SLC30A8: variants seen among roughly 807,000 people sequenced by gnomAD.
SLC30A8 encodes the protein proton-coupled zinc antiporter SLC30A8.
A neutral mutation model predicts 36.9 loss-of-function variants in SLC30A8; 27 were observed. The observed-to-expected ratio is 0.73, with a 90% confidence interval of 0.54 to 1.01. The LOEUF (loss-of-function observed/expected upper bound fraction) is 1.01, where lower values mean the gene tolerates loss of function less well. Among genes scored for constraint, SLC30A8 ranks in the 50% least tolerant of loss-of-function variants. The pLI is 0.00. For missense variants in SLC30A8, 439 were observed against 452.0 expected (o/e 0.97, Z 0.26); for synonymous variants, 164 against 172.4 (o/e 0.95, Z 0.38).
Position 117,051,363 on chromosome 8 carries a change from T to C in SLC30A8, c.-226+12105T>C, listed in dbSNP as rs375060806. Among the ~76,000 whole-genome samples the C allele has an allele frequency of 3.9e-5, 6 of 152,324 alleles. No homozygotes were observed. The East Asian group carries it at 1.2e-3, about 29-fold the overall frequency. Reference sequence around the variant, plus strand: ...TGTGAGACAGGATGTGTGTCCCCTCTAAAACTCATGTTGAAATATGATTCC... The same window carrying C: ...TGTGAGACAGGATGTGTGTCCCCTCCAAAACTCATGTTGAAATATGATTCC... On this transcript the variant is annotated intron_variant, in intron 2 of 10. Transcript: ENST00000427715.
At position 117,001,204 on chromosome 8, in the gene SLC30A8, CTTT is replaced by C. The variant is rs34639384; in HGVS notation, c.-265-37995_-265-37993del. Among the ~76,000 whole-genome samples the C allele has an allele frequency of 2.3e-3, 181 of 78,312 alleles. 1 individual carries two copies. Among genetic ancestry groups the C allele is most frequent in the South Asian group, 0.02 (34 of 1,676 alleles). 51.4% of individuals were successfully genotyped at this position (78,312 alleles called of 152,430 possible). On this transcript the variant is annotated intron_variant, in intron 1 of 10. Transcript: ENST00000427715. The stretch of plus-strand genomic sequence containing the variant: ...CGTAGGAGAAAATATTTGCTAGGGG[CTTT>C]TTTTTTTTTTTTTTTTTTTGGAATT...
At chr8:117,078,003 G>GT (rs1818543951) in intron 2 of SLC30A8, among the ~76,000 whole-genome samples, 1 of 152,176 alleles carries the variant, frequency 6.6e-6, no homozygotes, top group Admixed American at 6.5e-5. Flanking sequence ...AAAAAGTGAT[G>GT]AAGATTTAAG....
In SLC30A8 at chr8:117,165,454, T is replaced by C. The variant is rs558056635; in HGVS notation, c.829+1924T>C. Among the ~76,000 whole-genome samples the C allele has an allele frequency of 5.9e-5, 9 of 152,306 alleles. No homozygotes were observed. In the South Asian group the frequency reaches 1.9e-3, roughly 32 times the overall value. On this transcript the variant is annotated intron_variant, in intron 6 of 7. Transcript: ENST00000456015. ...GGCCATAGAACCAGTCAATCATAGATGCTGATGGCCTCAGAAAGGCCAGAT... is the reference window on the plus strand; with the variant it reads ...GGCCATAGAACCAGTCAATCATAGACGCTGATGGCCTCAGAAAGGCCAGAT...
At chr8:117,088,348 A>G (rs565143031) in intron 2 of SLC30A8, among the ~76,000 whole-genome samples, 15 of 152,346 alleles carry the variant, frequency 9.8e-5, no homozygotes, top group African/African-American at 3.6e-4. Context: ...AACATTCAGT[A>G]CAATGCAGAT....
intron 1 of SLC30A8, among the ~76,000 whole-genome samples, chr8:116,967,858 T>C (rs143922437): frequency 4.0e-3 from 603 of 152,328 alleles, no homozygotes; most frequent in Non-Finnish European, 6.4e-3. Flanking sequence ...AGCTGTAATG[T>C]CACAAACTCT....
intron 2 of SLC30A8, among the ~76,000 whole-genome samples, chr8:117,061,959 T>C (rs2130786481): frequency 6.6e-6 from 1 of 152,312 alleles, no homozygotes; most frequent in South Asian, 2.1e-4. Context: ...TGGCAGGGTG[T>C]TATGTTATTG....
At chr8:117,060,655 T>C (rs1435836843) in intron 2 of SLC30A8, among the ~76,000 whole-genome samples, 2 of 152,214 alleles carry the variant, frequency 1.3e-5, no homozygotes, top group African/African-American at 4.8e-5. Context: ...CCAGAGACAA[T>C]TTGGCTTTTC....
intron 1 of SLC30A8, among the ~76,000 whole-genome samples, chr8:117,023,734 G>T (rs567666316): frequency 3.7e-5 from 5 of 134,224 alleles, no homozygotes; most frequent in African/African-American, 5.4e-5. Flanking sequence ...GGTGGGGGAG[G>T]GGGGAGGGAT....
chr8:117,034,803 G>A (rs1434084020), intron 1 of SLC30A8, among the ~76,000 whole-genome samples: 3 of 152,190 alleles, frequency 2.0e-5, no homozygotes, highest in African/African-American at 4.8e-5. Context: ...GGAGTCCTCA[G>A]GAAACTCACA....
intron 1 of SLC30A8, among the ~76,000 whole-genome samples, chr8:117,146,127 T>A (rs193274160): frequency 7.2e-5 from 11 of 152,296 alleles, no homozygotes; most frequent in Admixed American, 3.3e-4. Context: ...AATTGAAATG[T>A]TCCTAGAATA....
intron 2 of SLC30A8, among the ~76,000 whole-genome samples, chr8:117,050,033 G>A (rs1196911151): frequency 6.6e-6 from 1 of 152,196 alleles, no homozygotes; most frequent in East Asian, 1.9e-4. Context: ...GAGTGACAAT[G>A]TCAGGACCTT....
intron 2 of SLC30A8, among the ~76,000 whole-genome samples, chr8:117,116,630 C>G (rs892814818): frequency 1.3e-5 from 2 of 151,982 alleles, no homozygotes; most frequent in Non-Finnish European, 2.9e-5. Flanking sequence ...TAGAACTCTT[C>G]ATTACACATT....
At chr8:116,974,372 G>C (rs902348697) in intron 1 of SLC30A8, among the ~76,000 whole-genome samples, 50 of 152,160 alleles carry the variant, frequency 3.3e-4, no homozygotes, top group African/African-American at 9.4e-4. Context: ...AAAAAGTGGG[G>C]GAAGGACATG....
At chr8:117,150,029 A>C (rs1822100255) in intron 2 of SLC30A8, among the ~76,000 whole-genome samples, 1 of 152,176 alleles carries the variant, frequency 6.6e-6, no homozygotes, top group African/African-American at 2.4e-5. Flanking sequence ...ACATGGGGAG[A>C]ACATGCAAAC....
intron 6 of SLC30A8, among the ~76,000 whole-genome samples, chr8:117,168,151 T>G (rs1381945731): frequency 6.7e-6 from 1 of 150,320 alleles, no homozygotes; most frequent in Non-Finnish European, 1.5e-5. Flanking sequence ...CAATTAAAAG[T>G]GAGATTTGGG....
chr8:116,971,529 T>C (rs1305273081), intron 1 of SLC30A8, among the ~76,000 whole-genome samples: 1 of 152,246 alleles, frequency 6.6e-6, no homozygotes, highest in Non-Finnish European at 1.5e-5. Flanking sequence ...CCACTAACTT[T>C]GTTTCCTATC....
intron 2 of SLC30A8, among the ~76,000 whole-genome samples, chr8:117,066,352 A>G (rs1818169827): frequency 6.6e-6 from 1 of 152,194 alleles, no homozygotes; most frequent in Non-Finnish European, 1.5e-5. Flanking sequence ...TAACTTGTTC[A>G]GAGATTTTAA....
intron 6 of SLC30A8, among the ~76,000 whole-genome samples, chr8:117,170,175 G>A (rs1470079723): frequency 1.3e-5 from 2 of 152,152 alleles, no homozygotes; most frequent in Admixed American, 6.6e-5. Context: ...TAGTCATCAG[G>A]ATTTCTAAAA....
At chr8:117,128,742 T>G (rs901133896) in intron 2 of SLC30A8, among the ~76,000 whole-genome samples, 5 of 152,056 alleles carry the variant, frequency 3.3e-5, no homozygotes, top group Non-Finnish European at 5.9e-5. Flanking sequence ...GCATAAATAG[T>G]GTACACAACA....
Sources: allele counts gnomAD v4.1 joint callset (sites outside exome capture counted in the v4.1 genomes callset), GRCh38; gene constraint gnomAD v4.1.1; transcripts MANE v1.5; gene names NCBI Gene and HGNC (gene_info 2026-07-23, HGNC 2026-07-21).